The following MOV10 variants were observed in gnomAD, a reference collection of about 807,000 sequenced individuals.
MOV10 encodes RNA helicase MOV-10.
A neutral mutation model predicts 108.4 loss-of-function variants in MOV10; 39 were observed. The observed-to-expected ratio is 0.36, with a 90% CI of 0.28 to 0.47. The LOEUF (loss-of-function observed/expected upper bound fraction) is 0.47, where lower values mean the gene tolerates loss of function less well. Ranked by LOEUF, MOV10 falls within the 20% of genes least tolerant of loss-of-function variation. The pLI is 1.00. For synonymous variants in MOV10, 490 were observed against 523.1 expected, an observed-to-expected ratio of 0.94 and a Z score of 0.86; for missense variants, 952 against 1,297.6, an observed-to-expected ratio of 0.73 and a Z score of 4.09.
chr1:112,696,016 TG>T, intron 11 of MOV10, 131 bp from the exon 12 acceptor site: 2 of 699,100 alleles, frequency 2.9e-6, no homozygotes, highest in Non-Finnish European at 2.5e-6. Context: ...CACTCCAGCC[TG>T]GGGGACAGCG....
Position 112,675,144 on chromosome 1 carries a change from GGGACGCAGCTCCCCCAGC to G in MOV10, c.137+98_137+115del. The G allele has an allele frequency of 6.9e-7, 1 of 1,440,604 alleles. No homozygotes were observed. The highest frequency in any genetic ancestry group is 2.7e-5 in the East Asian group (1 of 36,928). The allele number at this position is 1,440,604 out of a possible 1,614,324, so 89.2% of individuals were successfully genotyped here. ...CACCTTTCCCGCCCCGGGGCGCAGA[GGGACGCAGCTCCCCCAGC>G]GGCTCAGGCCAGTCCCGGGGCGGCG... On this transcript the variant is annotated intron_variant, in intron 2 of 20. Transcript: ENST00000369645. This position sits in a 1 kb window ranked among gnomAD's most constrained non-coding sequence, Gnocchi z 4.7.
intron 5 of MOV10, 31 bp downstream of exon 5, chr1:112,690,129 G>A (rs756038256): frequency 1.2e-6 from 2 of 1,606,064 alleles, no homozygotes; most frequent in Non-Finnish European, 1.7e-6. Flanking sequence ...AGCCCTGGCT[G>A]GGCTCGTATC....
chr1:112,681,055 C>T lies in MOV10; in HGVS notation c.137+6006C>T, dbSNP rs572162200. Among the ~76,000 whole-genome samples, 41 of 152,174 alleles carry T rather than the reference C, an allele frequency of 2.7e-4. 1 individual carries two copies. The highest frequency in any genetic ancestry group is 8.9e-4 in the African/African-American group (37 of 41,452). ...TATCACACCTACATAAGTTTACACA[C>T]GTGGGATCATTATCACATATCATTT... On this transcript the variant is annotated intron_variant, in intron 2 of 20. Coordinates refer to ENST00000369645, the MANE Select transcript of MOV10 (RefSeq NM_001321324.2).
intron 17 of MOV10, chr1:112,699,212 GCTATCGGGGCAGAGCCAGGGCA>G: frequency 4.4e-6 from 1 of 225,074 alleles, no homozygotes; most frequent in Non-Finnish European, 8.8e-6. Flanking sequence ...AGCTCATACA[GCTATCGGGGCAGAGCCAGGGCA>G]CTGGTAGTTT....
rs1226151941 is a variant in MOV10, at chr1:112,695,554, A to G, written c.1759A>G (p.Met587Val). 1.9e-6 allele frequency: 3 copies of G among 1,614,066 alleles called. No individual in the cohort carries two copies. The highest frequency in any genetic ancestry group is 8.5e-7 in the Non-Finnish European group (1 of 1,180,006). ...RLLAPSRDIRMVPEDIKPCCN... is the reference protein window; with the variant it reads ...RLLAPSRDIRVVPEDIKPCCN... The stretch of plus-strand genomic sequence containing the variant: ...CCTGGCCCCCAGCAGGGACATCCGC[A>G]TGGTACCTGAGGACATCAAGGTACT... Residue 587 changes from methionine to valine, a missense_variant, in exon 11 of 21, where the codon ATG becomes GTG. Transcript: ENST00000369645.
In MOV10 at chr1:112,696,754, G is replaced by A; in HGVS notation, c.2106G>A (p.Leu702=). Residue 702 remains leucine (L), a synonymous_variant, in exon 14 of 21, where the codon CTG becomes CTA. Transcript: ENST00000369645. ...AGAAGCATGGACTGGGATACTCACT[G>A]CTGGAGCGGCTGCTCACCTACAACT... The part of the protein sequence containing the change: ...LTQKHGLGYS[L]LERLLTYNSL... The A allele has an allele frequency of 6.2e-7, 1 of 1,604,784 alleles. No individual in the cohort carries two copies.
intron 2 of MOV10, among the ~76,000 whole-genome samples, chr1:112,676,662 G>C (rs1009606308): frequency 6.6e-6 from 1 of 152,188 alleles, no homozygotes; most frequent in African/African-American, 2.4e-5. Flanking sequence ...GACCTAACAA[G>C]ATTCTTGTTA....
intron 2 of MOV10, among the ~76,000 whole-genome samples, chr1:112,677,983 A>G (rs1478528362): frequency 6.6e-6 from 1 of 152,146 alleles, no homozygotes; most frequent in African/African-American, 2.4e-5. Flanking sequence ...CAAAGAATAT[A>G]ATCTAGTAAA....
intron 15 of MOV10, 47 bp downstream of exon 15, chr1:112,698,158 C>A: frequency 6.3e-7 from 1 of 1,598,476 alleles, no homozygotes; most frequent in South Asian, 1.1e-5. Flanking sequence ...TGACTTCCCT[C>A]CCACTGAAGG....
chr1:112,697,562 A>G (rs1674220529), intron 14 of MOV10, among the ~76,000 whole-genome samples: 1 of 152,218 alleles, frequency 6.6e-6, no homozygotes, highest in Non-Finnish European at 1.5e-5. Context: ...GAATGAGTTC[A>G]GCCATCTAAA....
chr1:112,674,480 C>G (rs1672018493), upstream of MOV10: 1 of 153,620 alleles, frequency 6.5e-6, no homozygotes, highest in African/African-American at 2.4e-5. Context: ...CTGCCCTTTG[C>G]TCTCCTGCTT....
chr1:112,694,686 G>C lies in MOV10; in HGVS notation c.1472+57G>C. ...ACTTGGAGTGTGGGCACAGGGGGTG[G>C]AGTCAGGGAGGCCTCTGGGTCACTG... On this transcript the variant is annotated intron_variant, in intron 9 of 20. Transcript: ENST00000369645. The surrounding 1 kb of genome is among the most constrained non-coding windows in gnomAD (Gnocchi z 4.1). 6.3e-7 allele frequency: 1 copy of C among 1,595,274 alleles called. No individual in the cohort carries two copies. Among genetic ancestry groups the C allele is most frequent in the Non-Finnish European group, 8.6e-7 (1 of 1,168,334 alleles).
Position 112,675,292 on chromosome 1 carries a change from C to T in MOV10, c.137+243C>T, listed in dbSNP as rs1267817204. On this transcript the variant is annotated intron_variant, in intron 2 of 20. Transcript: ENST00000369645. The surrounding 1 kb of genome is among the most constrained non-coding windows in gnomAD (Gnocchi z 4.7). The stretch of plus-strand genomic sequence containing the variant: ...GCGCCAAGTCGCCGCGGAGAGCCTC[C>T]CGCGCTGCCCGCGCCCCCGGAGGCC... Among the ~76,000 whole-genome samples the T allele has an allele frequency of 6.6e-6, 1 of 152,008 alleles. No homozygotes were observed. Among genetic ancestry groups the T allele is most frequent in the Non-Finnish European group, 1.5e-5 (1 of 67,978 alleles).
intron 16 of MOV10, 63 bp downstream of exon 16, chr1:112,698,541 C>T (rs933105645): frequency 2.6e-6 from 4 of 1,550,418 alleles, no homozygotes; most frequent in Non-Finnish European, 3.5e-6. Context: ...CCTTAATATC[C>T]AGACCACTAG....
At chr1:112,684,128 T>A (rs12064734) in intron 2 of MOV10, among the ~76,000 whole-genome samples, 12,356 of 151,420 alleles carry the variant, frequency 0.082, 717 homozygotes, top group Admixed American at 0.17. Flanking sequence ...TTTTTTTTTT[T>A]AATTCTTTGT....
At chr1:112,686,481 C>G (rs1053787053) in intron 2 of MOV10, among the ~76,000 whole-genome samples, 1 of 152,132 alleles carries the variant, frequency 6.6e-6, no homozygotes, top group South Asian at 2.1e-4. Context: ...CCTTCCTCCC[C>G]GGGTTGTGCT....
At chr1:112,688,670 T>A in intron 2 of MOV10, 1 of 1,365,238 alleles carries the variant, frequency 7.3e-7, no homozygotes, top group Non-Finnish European at 9.5e-7. Context: ...GTGATTGGGC[T>A]TTTCCCCTCA....
In MOV10 at chr1:112,675,364, G is replaced by C. The variant is rs918942967; in HGVS notation, c.137+315G>C. On this transcript the variant is annotated intron_variant, in intron 2 of 20. Transcript: ENST00000369645. The surrounding 1 kb of genome is among the most constrained non-coding windows in gnomAD (Gnocchi z 4.7). ...CGTCCCGCGTCCATGCGCCGCTCGC[G>C]GGGGCTGAGGGACAGCGCTCGCGGT... Among the ~76,000 whole-genome samples, 2 of 152,158 alleles carry C rather than the reference G, an allele frequency of 1.3e-5. No homozygotes were observed. The highest frequency in any genetic ancestry group is 2.9e-5 in the Non-Finnish European group (2 of 68,008).
At chr1:112,699,454 T>C (rs922045693) in intron 17 of MOV10, 1 of 1,392,736 alleles carries the variant, frequency 7.2e-7, no homozygotes, top group African/African-American at 1.4e-5. Context: ...TTTTCTTTCC[T>C]TAGAACACTT....
Sources: allele counts gnomAD v4.1 joint callset (sites outside exome capture counted in the v4.1 genomes callset), GRCh38; gene constraint gnomAD v4.1.1; non-coding constraint Gnocchi (gnomAD v3.1); transcripts MANE v1.5; gene names NCBI Gene and HGNC (gene_info 2026-07-23, HGNC 2026-07-21).